PTPRD: variants seen among roughly 807,000 people sequenced by gnomAD.
PTPRD encodes the protein receptor-type tyrosine-protein phosphatase delta.
In PTPRD, 34 loss-of-function variants were observed where a neutral mutation model predicts 214.5. The ratio of observed to expected loss-of-function variants is 0.16; its 90% CI spans 0.12 to 0.21. PTPRD has a LOEUF of 0.21. Among genes scored for constraint, PTPRD ranks in the 10% least tolerant of loss-of-function variants. The pLI, the probability that PTPRD is intolerant of heterozygous loss-of-function variation, is 1.00. For synonymous variants in PTPRD, 1,128 were observed against 845.7 expected, an observed-to-expected ratio of 1.33 and a Z score of -5.79; for missense variants, 2,545 against 2,398.7, an observed-to-expected ratio of 1.06 and a Z score of -1.27.
At chr9:9,570,104 C>A (rs950093377) in intron 8 of PTPRD, among the ~76,000 whole-genome samples, 1 of 151,416 alleles carries the variant, frequency 6.6e-6, no homozygotes, top group African/African-American at 2.4e-5. Flanking sequence ...GAATAGGAAG[C>A]AAAAATTTCC....
At chr9:8,558,437 G>C (rs1564333937) in intron 14 of PTPRD, among the ~76,000 whole-genome samples, 1 of 152,064 alleles carries the variant, frequency 6.6e-6, no homozygotes, top group Non-Finnish European at 1.5e-5. Flanking sequence ...AAGTCTCACA[G>C]AGCCATGCCA....
At chr9:9,501,452 AAC>A (rs2154224083) in intron 8 of PTPRD, among the ~76,000 whole-genome samples, 1 of 152,042 alleles carries the variant, frequency 6.6e-6, no homozygotes, top group African/African-American at 2.4e-5. Context: ...TGCACCTAAT[AAC>A]AGAGTTTAAA....
rs1399642208 is a variant in PTPRD, at chr9:9,332,428, T to A, written c.-203+65021A>T. 2.0e-5 allele frequency among the ~76,000 whole-genome samples: 3 copies of A among 151,908 alleles called. No homozygotes were observed. The South Asian group carries it at 6.2e-4, about 32-fold the overall frequency. ...TAGTTGCTATCAATAACTAAAAAAATAACCACACAATATATTTAAATTAGG... is the reference window on the plus strand; with the variant it reads ...TAGTTGCTATCAATAACTAAAAAAAAAACCACACAATATATTTAAATTAGG... On this transcript the variant is annotated intron_variant, in intron 9 of 45. Coordinates refer to ENST00000381196, the MANE Select transcript of PTPRD (RefSeq NM_002839.4).
At chr9:10,343,982 T>TTTG (rs1186502590) in intron 2 of PTPRD, among the ~76,000 whole-genome samples, 4 of 133,300 alleles carry the variant, frequency 3.0e-5, no homozygotes, top group African/African-American at 8.8e-5. Context: ...ATGGTAGTTT[T>TTTG]TTTTTTTTTT....
At chr9:8,552,896 A>T (rs1452254193) in intron 14 of PTPRD, among the ~76,000 whole-genome samples, 1 of 152,196 alleles carries the variant, frequency 6.6e-6, no homozygotes, top group Non-Finnish European at 1.5e-5. Flanking sequence ...GCTGTGTGAC[A>T]AACACTTCTG....
intron 7 of PTPRD, among the ~76,000 whole-genome samples, chr9:9,615,988 G>A (rs757693730): frequency 2.6e-5 from 4 of 152,134 alleles, no homozygotes; most frequent in South Asian, 2.1e-4. Flanking sequence ...ACTAATGAAC[G>A]TAATATTTTT....
At chr9:9,836,800 T>G (rs2153621515) in intron 5 of PTPRD, among the ~76,000 whole-genome samples, 1 of 152,318 alleles carries the variant, frequency 6.6e-6, no homozygotes, top group Middle Eastern at 3.4e-3. Flanking sequence ...AATGACTTAC[T>G]ATATGTAAAA....
chr9:9,076,233 G>C (rs565500422), intron 10 of PTPRD, among the ~76,000 whole-genome samples: 5 of 151,688 alleles, frequency 3.3e-5, no homozygotes, highest in Admixed American at 3.3e-4. Context: ...CTTTTTGATG[G>C]GGTTGTTTGA....
At chr9:8,898,160 A>G (rs2098635589) in intron 11 of PTPRD, among the ~76,000 whole-genome samples, 1 of 151,992 alleles carries the variant, frequency 6.6e-6, no homozygotes, top group South Asian at 2.1e-4. Flanking sequence ...CTCAACTCTT[A>G]TGTATGATTT....
chr9:9,753,858 A>G (rs1353654606), intron 6 of PTPRD, among the ~76,000 whole-genome samples: 1 of 152,006 alleles, frequency 6.6e-6, no homozygotes, highest in East Asian at 1.9e-4. Flanking sequence ...CCCTATCCTT[A>G]CATTGAATCC....
intron 44 of PTPRD, among the ~76,000 whole-genome samples, chr9:8,325,676 G>C (rs112322457): frequency 0.021 from 3,166 of 151,918 alleles, 89 homozygotes; most frequent in African/African-American, 0.07. Flanking sequence ...ACCTTGGGCA[G>C]TATGGCCATT....
chr9:8,626,794 C>A (rs1279086660), intron 14 of PTPRD, among the ~76,000 whole-genome samples: 1 of 151,672 alleles, frequency 6.6e-6, no homozygotes, highest in Non-Finnish European at 1.5e-5. Context: ...AGCCTGTGGA[C>A]TAGAACTGCA....
intron 7 of PTPRD, among the ~76,000 whole-genome samples, chr9:9,686,593 A>T (rs2097171171): frequency 6.6e-6 from 1 of 151,612 alleles, no homozygotes; most frequent in Non-Finnish European, 1.5e-5. Context: ...CAGGAGAGAG[A>T]CTTTTTACAT....
intron 9 of PTPRD, among the ~76,000 whole-genome samples, chr9:9,293,504 G>T (rs1451056110): frequency 6.6e-6 from 1 of 151,120 alleles, no homozygotes; most frequent in Non-Finnish European, 1.5e-5. Flanking sequence ...TTTCTACAAG[G>T]AGATTATTAT....
At chr9:10,203,175 T>TC (rs1187584324) in intron 3 of PTPRD, among the ~76,000 whole-genome samples, 20 of 151,378 alleles carry the variant, frequency 1.3e-4, no homozygotes, top group Non-Finnish European at 2.9e-5. Context: ...CTCTCTTTTT[T>TC]TTTTTTTTTT....
chr9:9,630,890 G>C (rs2095568915), intron 7 of PTPRD, among the ~76,000 whole-genome samples: 1 of 152,080 alleles, frequency 6.6e-6, no homozygotes, highest in African/African-American at 2.4e-5. Context: ...ATAAATATTT[G>C]TCAATTAAAA....
chr9:8,637,210 C>T lies in PTPRD; in HGVS notation c.65-366G>A, dbSNP rs946730550. 4.6e-5 allele frequency among the ~76,000 whole-genome samples: 7 copies of T among 152,118 alleles called. No individual in the cohort carries two copies. In the South Asian group the frequency reaches 6.2e-4, roughly 13 times the overall value. The stretch of plus-strand genomic sequence containing the variant: ...TCAATCAAAGTGGGTAAAATTTTAG[C>T]GCTTGCTTTGATGCCACTATCAGGA... On this transcript the variant is annotated intron_variant, in intron 12 of 45. Transcript: ENST00000381196.
Position 9,413,928 on chromosome 9 carries a change from CT to C in PTPRD, c.-236-16447del, listed in dbSNP as rs2076261552. On this transcript the variant is annotated intron_variant, in intron 8 of 45. Coordinates refer to ENST00000381196, the MANE Select transcript of PTPRD (RefSeq NM_002839.4). ...TTACTGATACCAGTCCAATTTTGGA[CT>C]TTAGGGAATGAATCCACATTTATAA... Among the ~76,000 whole-genome samples, 3 of 152,184 alleles carry C rather than the reference CT, an allele frequency of 2.0e-5. No homozygotes were observed. The South Asian group carries it at 6.2e-4, about 31-fold the overall frequency.
At chr9:9,662,308 T>G (rs988230966) in intron 7 of PTPRD, among the ~76,000 whole-genome samples, 3 of 151,654 alleles carry the variant, frequency 2.0e-5, no homozygotes, top group Non-Finnish European at 4.4e-5. Context: ...AAAAGAAAAT[T>G]GTTCAAATGT....
Sources: allele counts gnomAD v4.1 joint callset (sites outside exome capture counted in the v4.1 genomes callset), GRCh38; gene constraint gnomAD v4.1.1; transcripts MANE v1.5; gene names NCBI Gene and HGNC (gene_info 2026-07-23, HGNC 2026-07-21).